GSE1: variants seen among roughly 807,000 people sequenced by gnomAD.
The protein encoded by GSE1 is Gse1 coiled-coil protein, also known as genetic suppressor element 1.
GSE1 carries 32 observed loss-of-function variants against 112.6 expected under a neutral mutation model. The observed-to-expected ratio is 0.28, with a 90% CI of 0.21 to 0.38. The LOEUF (loss-of-function observed/expected upper bound fraction) is 0.38. GSE1 is among the 10% of genes least tolerant of loss of function. The pLI, the probability that GSE1 is intolerant of heterozygous loss-of-function variation, is 1.00. For synonymous variants in GSE1, 1,115 were observed against 735.6 expected (o/e 1.52, Z -8.35); for missense variants, 2,348 against 1,699.2 (o/e 1.38, Z -6.71).
At chr16:85,664,042 G>A (rs1420445847) in intron 11 of GSE1, among the ~76,000 whole-genome samples, 3 of 152,262 alleles carry the variant, frequency 2.0e-5, no homozygotes, top group Non-Finnish European at 4.4e-5. Context: ...GGGCTGCCAA[G>A]CAGGGCAGCA....
intron 2 of GSE1, among the ~76,000 whole-genome samples, chr16:85,525,368 G>C (rs1226428733): frequency 6.6e-6 from 1 of 152,218 alleles, no homozygotes; most frequent in African/African-American, 2.4e-5. Flanking sequence ...GGGAAGGGCG[G>C]CTGTGGGAGA....
chr16:85,291,286 CCCT>C (rs2045203614), intron 1 of GSE1, among the ~76,000 whole-genome samples: 1 of 152,186 alleles, frequency 6.6e-6, no homozygotes, highest in South Asian at 2.1e-4. Context: ...TCCCTCCTCA[CCCT>C]CCTCCTCCCT....
intron 2 of GSE1, among the ~76,000 whole-genome samples, chr16:85,522,624 C>T (rs1183447949): frequency 6.6e-6 from 1 of 152,184 alleles, no homozygotes; most frequent in Non-Finnish European, 1.5e-5. Context: ...AGTCACCTGG[C>T]GGTGACATCT....
At chr16:85,220,800 T>G (rs1226714824) in intron 1 of GSE1, among the ~76,000 whole-genome samples, 1 of 152,126 alleles carries the variant, frequency 6.6e-6, no homozygotes, top group Non-Finnish European at 1.5e-5. Context: ...TCTCCATCTC[T>G]CTCAGTATGT....
chr16:85,303,269 T>C (rs1210110664), intron 1 of GSE1, among the ~76,000 whole-genome samples: 1 of 152,186 alleles, frequency 6.6e-6, no homozygotes, highest in Non-Finnish European at 1.5e-5. Context: ...TGGGTTCCTA[T>C]CTGGGGCTCC....
chr16:85,366,830 G>A (rs532239395), intron 2 of GSE1, among the ~76,000 whole-genome samples: 3 of 152,272 alleles, frequency 2.0e-5, no homozygotes, highest in African/African-American at 7.2e-5. Flanking sequence ...CAAAATTGCT[G>A]TTAAGAGGGT....
In GSE1 at chr16:85,661,130, T is replaced by C. The variant is rs1476608541; in HGVS notation, c.1641-16T>C. ...GGTCTTTTCTCCCTGACTGAAGGGT[T>C]GGTTTCACTCCCTAGGCCAGGACCA... On this transcript the variant is annotated splice_polypyrimidine_tract_variant and intron_variant, in intron 8 of 15. Transcript: ENST00000253458. 1 of 1,549,292 alleles carries C rather than the reference T, an allele frequency of 6.5e-7. No individual in the cohort carries two copies. The highest frequency in any genetic ancestry group is 1.9e-5 in the Admixed American group (1 of 51,592).
In GSE1 at chr16:85,230,908, A is replaced by C. The variant is rs117989544; in HGVS notation, c.2283+59101A>C. ...AGGGATGGGTGGAAGGATGGATAGA[A>C]TGGAATGGATGGATGGATGAATGAA... On this transcript the variant is annotated intron_variant, in intron 1 of 2. Coordinates refer to the GSE1 transcript ENST00000637419. Among the ~76,000 whole-genome samples the C allele has an allele frequency of 9.4e-3, 1,386 of 147,694 alleles. 10 individuals carry two copies. The highest frequency in any genetic ancestry group is 0.016 in the Non-Finnish European group (1,065 of 66,944).
intron 2 of GSE1, among the ~76,000 whole-genome samples, chr16:85,540,068 G>A (rs951684051): frequency 1.3e-5 from 2 of 152,246 alleles, no homozygotes; most frequent in Non-Finnish European, 2.9e-5. Flanking sequence ...AGTCACTGCA[G>A]GTCTGCTTCT....
At chr16:85,641,480 CGG>C (rs1224053746) in intron 2 of GSE1, among the ~76,000 whole-genome samples, 1 of 151,878 alleles carries the variant, frequency 6.6e-6, no homozygotes, top group African/African-American at 2.4e-5. Context: ...ACGCAGGCCG[CGG>C]GTCGGGAGAG....
chr16:85,464,983 T>C (rs774714160), intron 2 of GSE1, among the ~76,000 whole-genome samples: 6 of 152,136 alleles, frequency 3.9e-5, no homozygotes, highest in Non-Finnish European at 7.4e-5. Context: ...TTTTTGCAGG[T>C]GAGGAAACAG....
chr16:85,303,809 C>G (rs2045590931), intron 1 of GSE1, among the ~76,000 whole-genome samples: 1 of 152,242 alleles, frequency 6.6e-6, no homozygotes, highest in Non-Finnish European at 1.5e-5. Flanking sequence ...AGGGTGAACA[C>G]AGGCCCTGGC....
At chr16:85,205,432 T>G (rs1392986310) in intron 1 of GSE1, among the ~76,000 whole-genome samples, 1 of 152,196 alleles carries the variant, frequency 6.6e-6, no homozygotes, top group Non-Finnish European at 1.5e-5. Context: ...GCGCCCAGCC[T>G]TGTCTCTGTT....
At chr16:85,478,492 A>G (rs1031315588) in intron 2 of GSE1, among the ~76,000 whole-genome samples, 1 of 148,462 alleles carries the variant, frequency 6.7e-6, no homozygotes, top group African/African-American at 2.5e-5. Context: ...GTGCCATTGC[A>G]CTGCAGCCTG....
At chr16:85,364,105 G>A (rs1001527692) in intron 2 of GSE1, among the ~76,000 whole-genome samples, 12 of 152,344 alleles carry the variant, frequency 7.9e-5, no homozygotes, top group African/African-American at 2.9e-4. Flanking sequence ...CCCGATGTGG[G>A]CAGGGCCTGT....
chr16:85,554,310 G>C (rs1269798338), upstream of GSE1, among the ~76,000 whole-genome samples: 1 of 152,126 alleles, frequency 6.6e-6, no homozygotes, highest in East Asian at 1.9e-4. Flanking sequence ...GGTGTGAAAG[G>C]GAGGCGGCGT....
intron 2 of GSE1, among the ~76,000 whole-genome samples, chr16:85,439,506 A>G (rs574899268): frequency 9.2e-5 from 14 of 151,548 alleles, no homozygotes; most frequent in Non-Finnish European, 2.1e-4. Flanking sequence ...GTTCAGAGGC[A>G]CTCACAGGCG....
At chr16:85,386,287 G>A (rs563862826) in intron 2 of GSE1, among the ~76,000 whole-genome samples, 1 of 152,336 alleles carries the variant, frequency 6.6e-6, no homozygotes, top group East Asian at 1.9e-4. Context: ...ACACCAGGAT[G>A]GACGGCTGAC....
intron 6 of GSE1, 144 bp downstream of exon 6, chr16:85,656,061 T>C: frequency 9.9e-6 from 7 of 706,918 alleles, no homozygotes; most frequent in Non-Finnish European, 1.6e-5. Context: ...GGGACAATGA[T>C]CGTTCAGGCT....
Sources: gnomAD v4.1 joint callset for allele counts (sites outside exome capture counted in the v4.1 genomes callset) on GRCh38, gnomAD v4.1.1 for gene constraint, MANE v1.5 for transcripts, NCBI Gene and HGNC (gene_info 2026-07-23, HGNC 2026-07-21) for gene names.